VPS35L: variants seen among roughly 807,000 people sequenced by gnomAD.
The protein encoded by VPS35L is VPS35 endosomal protein-sorting factor-like.
Under a neutral mutation model 133.0 loss-of-function variants are expected in VPS35L, and 83 were observed. The ratio of observed to expected loss-of-function variants is 0.62; its 90% CI spans 0.52 to 0.75. The LOEUF (loss-of-function observed/expected upper bound fraction) is 0.75, where lower values mean the gene tolerates loss of function less well. Among genes scored for constraint, VPS35L ranks in the 30% least tolerant of loss-of-function variants. The pLI, the probability that VPS35L is intolerant of heterozygous loss-of-function variation, is 0.00. For missense variants in VPS35L, 1,083 were observed against 1,206.8 expected, an observed-to-expected ratio of 0.90 and a Z score of 1.52; for synonymous variants, 423 against 449.9, an observed-to-expected ratio of 0.94 and a Z score of 0.76.
chr16:19,697,314 C>G (rs1409935767), intron 29 of VPS35L, among the ~76,000 whole-genome samples: 4 of 152,158 alleles, frequency 2.6e-5, no homozygotes, highest in African/African-American at 9.7e-5. Context: ...ACTCAGCCAC[C>G]TTGCCCAACT....
At chr16:19,606,776 AGAGAAT>A (rs1972548931) in intron 9 of VPS35L, among the ~76,000 whole-genome samples, 1 of 152,202 alleles carries the variant, frequency 6.6e-6, no homozygotes, top group Non-Finnish European at 1.5e-5. Context: ...TTCATTTTTT[AGAGAAT>A]AAATAAATAA....
chr16:19,594,644 C>CAAAAAAAAAAAAAAA (rs57187565), intron 8 of VPS35L, among the ~76,000 whole-genome samples: 9 of 31,500 alleles, frequency 2.9e-4, no homozygotes, highest in Non-Finnish European at 4.4e-4. Flanking sequence ...GATTTCGTCT[C>CAAAAAAAAAAAAAAA]AAAAAAAAAA....
Position 19,616,140 on chromosome 16 carries a change from CAAAG to C in VPS35L, c.1054_1057del (p.Glu352ProfsTer2), listed in dbSNP as rs1479774545. On this transcript the variant is annotated frameshift_variant, in exon 13 of 31. Coordinates refer to ENST00000417362, the MANE Select transcript of VPS35L (RefSeq NM_020314.7). LOFTEE classifies it high-confidence loss of function. The stretch of plus-strand genomic sequence containing the variant: ...TGGGAATGGAAGTGGCCCCACATCT[CAAAG>C]AAACCCTAAATAAGAACTTTTTTGA... 1.9e-6 allele frequency: 3 copies of C among 1,613,598 alleles called. No individual in the cohort carries two copies. The highest frequency in any genetic ancestry group is 2.5e-6 in the Non-Finnish European group (3 of 1,179,674).
At chr16:19,634,962 C>T (rs1973579297) in intron 19 of VPS35L, among the ~76,000 whole-genome samples, 1 of 152,206 alleles carries the variant, frequency 6.6e-6, no homozygotes, top group Non-Finnish European at 1.5e-5. Flanking sequence ...AAAGACACAG[C>T]ATCACCTGTA....
chr16:19,699,461 G>T lies in VPS35L; in HGVS notation c.2647-41G>T, dbSNP rs759913950. 5 of 1,611,894 alleles carry T rather than the reference G, an allele frequency of 3.1e-6. No homozygotes were observed. In the East Asian group the frequency reaches 1.1e-4, roughly 36 times the overall value. ...ACAGCATCTCTGCGGGGCACGGCCTGAGCCCCAGTGCAAGGCAGTAACCTC... is the reference window on the plus strand; with the variant it reads ...ACAGCATCTCTGCGGGGCACGGCCTTAGCCCCAGTGCAAGGCAGTAACCTC... On this transcript the variant is annotated intron_variant, in intron 29 of 30. Transcript: ENST00000417362. The surrounding 1 kb of genome is among the most constrained non-coding windows in gnomAD (Gnocchi z 4.2).
rs535752382 is a variant in VPS35L at position 19,588,444 on chromosome 16, G to GC, written c.640-3340dup. Among the ~76,000 whole-genome samples the GC allele has an allele frequency of 5.1e-4, 78 of 151,892 alleles. 5 individuals carry two copies. The South Asian group carries it at 0.015, about 30-fold the overall frequency. On this transcript the variant is annotated intron_variant, in intron 7 of 30. Transcript: ENST00000417362. ...TGACCTCAGGTGATCCACCCACCTTGCCCCCCGCAAAGTGCTGGGATTAAG... is the reference window on the plus strand; with the variant it reads ...TGACCTCAGGTGATCCACCCACCTTGCCCCCCCGCAAAGTGCTGGGATTAAG...
At chr16:19,629,320 A>G (rs1973371922) in intron 17 of VPS35L, among the ~76,000 whole-genome samples, 1 of 152,180 alleles carries the variant, frequency 6.6e-6, no homozygotes, top group Admixed American at 6.5e-5. Context: ...ATTTTTCCCT[A>G]AAGAAATCTA....
intron 5 of VPS35L, among the ~76,000 whole-genome samples, chr16:19,577,146 T>G (rs1238771580): frequency 6.6e-6 from 1 of 152,224 alleles, no homozygotes; most frequent in Non-Finnish European, 1.5e-5. Flanking sequence ...CTGGCTAATT[T>G]ATAAGGAAGA....
intron 26 of VPS35L, among the ~76,000 whole-genome samples, chr16:19,667,073 C>T (rs890464958): frequency 6.6e-6 from 1 of 151,862 alleles, no homozygotes; most frequent in Non-Finnish European, 1.5e-5. Context: ...AAGTGATTCT[C>T]CTGCCTCAGC....
chr16:19,573,822 T>A (rs1209747007), intron 4 of VPS35L, among the ~76,000 whole-genome samples: 2 of 151,872 alleles, frequency 1.3e-5, no homozygotes, highest in Non-Finnish European at 1.5e-5. Context: ...CAAAAAAAAT[T>A]AATTAATTAA....
intron 8 of VPS35L, among the ~76,000 whole-genome samples, chr16:19,601,180 C>T (rs930428570): frequency 6.6e-5 from 10 of 152,218 alleles, no homozygotes; most frequent in Admixed American, 1.3e-4. Context: ...CTTCCTGCCT[C>T]GGCTTCCCAA....
chr16:19,576,836 T>A (rs1971555174), intron 5 of VPS35L, among the ~76,000 whole-genome samples: 1 of 151,816 alleles, frequency 6.6e-6, no homozygotes, highest in African/African-American at 2.4e-5. Context: ...CCTTCTGAGT[T>A]ACTGGGACTA....
chr16:19,648,480 A>G (rs563268322), intron 24 of VPS35L, among the ~76,000 whole-genome samples: 1 of 152,314 alleles, frequency 6.6e-6, no homozygotes, highest in East Asian at 1.9e-4. Flanking sequence ...TTACGTAACA[A>G]GAGGTTCCCT....
At chr16:19,680,332 G>A (rs933392237) in intron 27 of VPS35L, among the ~76,000 whole-genome samples, 1 of 152,166 alleles carries the variant, frequency 6.6e-6, no homozygotes, top group African/African-American at 2.4e-5. Context: ...TTCACCCAAT[G>A]CATGTCAGTG....
intron 1 of VPS35L, among the ~76,000 whole-genome samples, chr16:19,564,113 C>A (rs970563345): frequency 6.6e-6 from 1 of 152,200 alleles, no homozygotes; most frequent in Non-Finnish European, 1.5e-5. Context: ...GAGTCTCACT[C>A]TGTCCCCCAG....
chr16:19,597,678 C>T (rs1972260105), intron 8 of VPS35L, among the ~76,000 whole-genome samples: 1 of 152,202 alleles, frequency 6.6e-6, no homozygotes. Flanking sequence ...ATGGTGTTCC[C>T]ACGGTGCTGT....
intron 6 of VPS35L, 129 bp from the exon 7 acceptor site, chr16:19,581,396 G>A: frequency 9.2e-7 from 1 of 1,088,588 alleles, no homozygotes. Context: ...AGGCAAAGCT[G>A]TCAATCCTGG....
rs1352525131 is a variant in VPS35L at position 19,666,199 on chromosome 16, C to T, written c.2222-2961C>T. 2.6e-5 allele frequency among the ~76,000 whole-genome samples: 4 copies of T among 151,840 alleles called. No homozygotes were observed. The East Asian group carries it at 7.7e-4, about 29-fold the overall frequency. ...TTAAGTTGATGTGATCCCATTTGTC[C>T]ATTTTTGCTTTGGTTGCCTGTGCTT... On this transcript the variant is annotated intron_variant, in intron 26 of 30. Transcript: ENST00000417362.
chr16:19,604,028 G>A (rs1371183055), intron 9 of VPS35L, among the ~76,000 whole-genome samples: 3 of 152,172 alleles, frequency 2.0e-5, no homozygotes, highest in South Asian at 4.1e-4. Context: ...CACCACGCCC[G>A]GCCGAATCCA....
Sources: gnomAD v4.1 joint callset for allele counts (sites outside exome capture counted in the v4.1 genomes callset) on GRCh38, gnomAD v4.1.1 for gene constraint, Gnocchi (gnomAD v3.1) non-coding constraint, MANE v1.5 for transcripts, NCBI Gene and HGNC (gene_info 2026-07-23, HGNC 2026-07-21) for gene names.